The following NT5DC1 variants were observed in gnomAD, a reference collection of about 807,000 sequenced individuals.
The protein encoded by NT5DC1 is 5'-nucleotidase domain containing 1.
NT5DC1 carries 42 observed loss-of-function variants against 59.4 expected under a neutral mutation model. The observed-to-expected ratio is 0.71, with a 90% CI of 0.55 to 0.92. The LOEUF is 0.92. Ranked by LOEUF, NT5DC1 falls within the 40% of genes least tolerant of loss-of-function variation. The probability of loss-of-function intolerance (pLI) is 0.00; values close to 1 mark genes in which losing one functional copy is unlikely to be tolerated. For synonymous variants in NT5DC1, 172 were observed against 188.1 expected, an observed-to-expected ratio of 0.91 and a Z score of 0.70; for missense variants, 501 against 537.1, an observed-to-expected ratio of 0.93 and a Z score of 0.66.
chr6:116,124,863 C>T (rs548035660), intron 6 of NT5DC1, among the ~76,000 whole-genome samples: 8 of 152,228 alleles, frequency 5.3e-5, no homozygotes, highest in African/African-American at 1.7e-4. Context: ...GGGGGGAGGC[C>T]ATCAGATTTT....
chr6:116,162,130 T>C (rs2114429210), intron 6 of NT5DC1, among the ~76,000 whole-genome samples: 1 of 152,340 alleles, frequency 6.6e-6, no homozygotes, highest in Non-Finnish European at 1.5e-5. Context: ...TAATTTTGTA[T>C]CCTGAGACTT....
Position 116,144,199 on chromosome 6 carries a change from TACA to T in NT5DC1, c.529+26258_529+26260del, listed in dbSNP as rs570792037. Among the ~76,000 whole-genome samples the T allele has an allele frequency of 8.1e-4, 124 of 152,208 alleles. 1 individual carries two copies. Among genetic ancestry groups the T allele is most frequent in the African/African-American group, 2.7e-3 (112 of 41,540 alleles). On this transcript the variant is annotated intron_variant, in intron 6 of 11. Transcript: ENST00000319550. Reference sequence around the variant, plus strand: ...AGTATGAAAACAAACATATTCTTCTTACAACATTAAAGTGTAAAAGGAGGCCAG... The same window carrying T: ...AGTATGAAAACAAACATATTCTTCTTACATTAAAGTGTAAAAGGAGGCCAG...
At chr6:116,125,567 C>T (rs1431149435) in intron 6 of NT5DC1, 4 of 1,489,542 alleles carry the variant, frequency 2.7e-6, no homozygotes, top group Non-Finnish European at 3.7e-6. Context: ...TTTTTATTCT[C>T]ATGTTTCACA....
At chr6:116,165,403 C>T (rs1474314771) in intron 6 of NT5DC1, among the ~76,000 whole-genome samples, 20 of 152,156 alleles carry the variant, frequency 1.3e-4, no homozygotes, top group Admixed American at 1.3e-3. Flanking sequence ...GGGAAATTTT[C>T]CTGAATTCTT....
intron 6 of NT5DC1, chr6:116,119,366 A>G (rs1221333049): frequency 6.6e-6 from 1 of 152,436 alleles, no homozygotes; most frequent in Non-Finnish European, 1.5e-5. Context: ...TATGCTGGGT[A>G]TATAAAAAGC....
chr6:116,218,336 A>T (rs1222359754), intron 6 of NT5DC1, among the ~76,000 whole-genome samples: 2 of 152,218 alleles, frequency 1.3e-5, no homozygotes, highest in Non-Finnish European at 2.9e-5. Flanking sequence ...AGAAAAAATA[A>T]TTTTTTCTCA....
Position 116,163,197 on chromosome 6 carries a change from A to G in NT5DC1, c.529+45252A>G, listed in dbSNP as rs115656149. Among the ~76,000 whole-genome samples the G allele has an allele frequency of 7.8e-3, 1,141 of 146,128 alleles. 17 individuals carry two copies. Among genetic ancestry groups the G allele is most frequent in the African/African-American group, 0.027 (1,080 of 39,682 alleles). On this transcript the variant is annotated intron_variant, in intron 6 of 11. Transcript: ENST00000319550. ...TTGATACCAGCTCTTCTTTGTATAT[A>G]TGGTGCAATTTGGCTGTGAATTCCC...
chr6:116,151,868 T>G (rs1780050146), intron 6 of NT5DC1, among the ~76,000 whole-genome samples: 8 of 152,240 alleles, frequency 5.3e-5, no homozygotes, highest in Admixed American at 5.2e-4. Flanking sequence ...TAGTTTTGTC[T>G]CATCAAATAT....
At chr6:116,177,661 C>T (rs1462676650) in intron 6 of NT5DC1, among the ~76,000 whole-genome samples, 1 of 152,038 alleles carries the variant, frequency 6.6e-6, no homozygotes, top group Non-Finnish European at 1.5e-5. Context: ...TCTAAAAATT[C>T]GTGGATATAA....
chr6:116,233,811 C>T (rs1006046416), intron 8 of NT5DC1, among the ~76,000 whole-genome samples: 1 of 152,110 alleles, frequency 6.6e-6, no homozygotes, highest in Non-Finnish European at 1.5e-5. Context: ...CCATGTGCTC[C>T]ATTTTTATCT....
At chr6:116,141,243 C>G (rs1191561081) in intron 6 of NT5DC1, among the ~76,000 whole-genome samples, 2 of 150,558 alleles carry the variant, frequency 1.3e-5, no homozygotes, top group South Asian at 2.1e-4. Context: ...CTGATTGTAC[C>G]TTTGCCTACT....
chr6:116,108,228 A>G, intron 2 of NT5DC1, 136 bp from the exon 3 acceptor site: 1 of 641,450 alleles, frequency 1.6e-6, no homozygotes, highest in Non-Finnish European at 2.8e-6. Flanking sequence ...GATATTCTTA[A>G]TTGTGTGATT....
chr6:116,123,137 A>C (rs953506214), intron 6 of NT5DC1, among the ~76,000 whole-genome samples: 1 of 152,196 alleles, frequency 6.6e-6, no homozygotes, highest in Non-Finnish European at 1.5e-5. Context: ...TCTGATTATA[A>C]GGGTCATGTT....
intron 6 of NT5DC1, among the ~76,000 whole-genome samples, chr6:116,172,035 G>A (rs1242476452): frequency 6.6e-6 from 1 of 152,160 alleles, no homozygotes; most frequent in Non-Finnish European, 1.5e-5. Context: ...GAGGAAGGTA[G>A]AGAAAACACT....
chr6:116,207,939 C>T (rs909756131), intron 6 of NT5DC1, among the ~76,000 whole-genome samples: 1 of 151,918 alleles, frequency 6.6e-6, no homozygotes, highest in African/African-American at 2.4e-5. Context: ...ATAGTGTATA[C>T]ATACTGAAAT....
chr6:116,229,249 CTTCT>C (rs1781962752), intron 8 of NT5DC1, among the ~76,000 whole-genome samples: 1 of 152,162 alleles, frequency 6.6e-6, no homozygotes, highest in South Asian at 2.1e-4. Flanking sequence ...TTAAGTTGTC[CTTCT>C]GTTTTCTCAG....
At chr6:116,148,951 T>A (rs1299621867) in intron 6 of NT5DC1, among the ~76,000 whole-genome samples, 1 of 152,224 alleles carries the variant, frequency 6.6e-6, no homozygotes, top group African/African-American at 2.4e-5. Context: ...GTCTTTTGTT[T>A]TTAATCTCTA....
At chr6:116,153,609 T>A (rs1429654119) in intron 6 of NT5DC1, among the ~76,000 whole-genome samples, 1 of 152,166 alleles carries the variant, frequency 6.6e-6, no homozygotes, top group East Asian at 1.9e-4. Flanking sequence ...TTACCTCTAT[T>A]AGGTACCTAG....
intron 6 of NT5DC1, among the ~76,000 whole-genome samples, chr6:116,150,564 C>T (rs547357104): frequency 3.4e-4 from 52 of 152,266 alleles, no homozygotes; most frequent in African/African-American, 1.2e-3. Flanking sequence ...GGATTACAGG[C>T]GTGAGTCACT....
Sources: allele counts gnomAD v4.1 joint callset (sites outside exome capture counted in the v4.1 genomes callset), GRCh38; gene constraint gnomAD v4.1.1; transcripts MANE v1.5; gene names NCBI Gene and HGNC (gene_info 2026-07-23, HGNC 2026-07-21).